Variants in ABCA10 observed in about 807,000 individuals in gnomAD.
The protein encoded by ABCA10 is ATP-binding cassette sub-family A member 10.
Under a neutral mutation model 187.5 loss-of-function variants are expected in ABCA10, and 169 were observed. That is an observed-to-expected ratio of 0.90 (90% CI 0.80 to 1.02). The LOEUF is 1.02. Among genes scored for constraint, ABCA10 ranks in the 50% least tolerant of loss-of-function variants. The pLI, the probability that ABCA10 is intolerant of heterozygous loss-of-function variation, is 0.00. For missense variants in ABCA10, 1,727 were observed against 1,812.4 expected (o/e 0.95, Z 0.86); for synonymous variants, 574 against 601.8 (o/e 0.95, Z 0.68).
chr17:69,196,296 G>C (rs1199368469), intron 11 of ABCA10: 3 of 171,060 alleles, frequency 1.8e-5, no homozygotes, highest in African/African-American at 4.9e-5. Context: ...TTCTCAGACG[G>C]GGCGGCCGGG....
chr17:69,174,199 C>G, intron 25 of ABCA10, 82 bp downstream of exon 25: 1 of 1,019,774 alleles, frequency 9.8e-7, no homozygotes, highest in Non-Finnish European at 1.4e-6. Flanking sequence ...CTCTTCTAAG[C>G]AAAGTATTTA....
intron 4 of ABCA10, 35 bp downstream of exon 4, chr17:69,222,497 TC>T (rs1555664471): frequency 7.5e-6 from 11 of 1,468,948 alleles, no homozygotes; most frequent in Non-Finnish European, 9.0e-6. Context: ...CCATGAAGTA[TC>T]AAAAAAAAAT....
At chr17:69,161,234 G>T (rs2074215468) in intron 27 of ABCA10, among the ~76,000 whole-genome samples, 2 of 152,104 alleles carry the variant, frequency 1.3e-5, no homozygotes. Context: ...GTAGAATGGT[G>T]ATTACCGGTT....
intron 9 of ABCA10, among the ~76,000 whole-genome samples, chr17:69,208,686 G>A (rs2074611707): frequency 6.6e-6 from 1 of 152,042 alleles, no homozygotes; most frequent in Admixed American, 6.6e-5. Context: ...ATTCCAAAAG[G>A]AAGAAAGCAA....
chr17:69,211,499 G>T (rs994266863), intron 9 of ABCA10, among the ~76,000 whole-genome samples: 4 of 151,766 alleles, frequency 2.6e-5, no homozygotes, highest in African/African-American at 9.7e-5. Context: ...TTCATAGAAT[G>T]ATTTAGGGAG....
chr17:69,220,996 T>C (rs932125463), intron 5 of ABCA10, among the ~76,000 whole-genome samples: 1 of 152,180 alleles, frequency 6.6e-6, no homozygotes, highest in Non-Finnish European at 1.5e-5. Context: ...CATCAGCATA[T>C]AAATTATAAT....
In ABCA10 at chr17:69,227,198, G is replaced by A. The variant is rs940781826; in HGVS notation, c.-225C>T. Reference sequence around the variant, plus strand: ...TTTAAGAAAATTCTTGTACAGAAGAGCCTGAATTTGTTGACGCACGCTTAT... The same window carrying A: ...TTTAAGAAAATTCTTGTACAGAAGAACCTGAATTTGTTGACGCACGCTTAT... On this transcript the variant is annotated 5_prime_UTR_variant, in exon 2 of 39. Coordinates refer to ENST00000690296, the MANE Select transcript of ABCA10 (RefSeq NM_001377321.1). 2 of 149,332 alleles carry A rather than the reference G, an allele frequency of 1.3e-5. No individual in the cohort carries two copies. The highest frequency in any genetic ancestry group is 6.7e-5 in the Admixed American group (1 of 14,856). 9.3% of individuals were successfully genotyped at this position (149,332 alleles called of 1,614,324 possible).
Position 69,190,481 on chromosome 17 carries a change from A to C in ABCA10, c.2012-4T>G. 6.4e-7 allele frequency: 1 copy of C among 1,563,098 alleles called. No homozygotes were observed. The highest frequency in any genetic ancestry group is 8.6e-7 in the Non-Finnish European group (1 of 1,165,280). ...TTATCAAGGTCACTGTAAAGATCTA[A>C]AAAGCCAATAGTAATAAGTCAACGC... is the stretch of plus-strand genomic sequence containing the variant. On this transcript the variant is annotated splice_polypyrimidine_tract_variant and splice_region_variant and intron_variant, in intron 17 of 38. Coordinates refer to ENST00000690296, the MANE Select transcript of ABCA10 (RefSeq NM_001377321.1).
At chr17:69,193,327 A>T in intron 14 of ABCA10, 79 bp from the exon 15 acceptor site, 1 of 1,559,920 alleles carries the variant, frequency 6.4e-7, no homozygotes, top group Non-Finnish European at 8.7e-7. Flanking sequence ...AACAAGTATG[A>T]TTTCTAGACT....
intron 1 of ABCA10, among the ~76,000 whole-genome samples, chr17:69,236,226 C>T (rs1308829100): frequency 6.6e-6 from 1 of 152,152 alleles, no homozygotes; most frequent in Non-Finnish European, 1.5e-5. Context: ...TTATTTTTAT[C>T]CAGGGCACCT....
chr17:69,202,690 G>T (rs1462691988), intron 9 of ABCA10, among the ~76,000 whole-genome samples: 3 of 152,030 alleles, frequency 2.0e-5, no homozygotes, highest in Non-Finnish European at 4.4e-5. Context: ...ATTATACAGG[G>T]ATCTTTATCA....
chr17:69,182,543 A>G (rs2074388067), intron 21 of ABCA10, 132 bp downstream of exon 21: 3 of 1,151,286 alleles, frequency 2.6e-6, no homozygotes, highest in Non-Finnish European at 3.5e-6. Context: ...GTGACAAAGA[A>G]AGTTTCAAGC....
At chr17:69,231,025 A>G (rs1458471361), upstream of ABCA10, among the ~76,000 whole-genome samples, 1 of 151,998 alleles carries the variant, frequency 6.6e-6, no homozygotes, top group Admixed American at 6.6e-5. Flanking sequence ...CCAAATTTCC[A>G]TTGTATTAGT....
rs925413752 is a variant in ABCA10, at chr17:69,187,890, G to A, written c.2132-11C>T. 6.2e-7 allele frequency: 1 copy of A among 1,609,886 alleles called. No individual in the cohort carries two copies. The highest frequency in any genetic ancestry group is 1.7e-5 in the Admixed American group (1 of 59,874). ...TCCCAATGTCAAAATCTACAATCAT[G>A]TAATAAAACATTTTAATAGGCTATG... On this transcript the variant is annotated splice_polypyrimidine_tract_variant and intron_variant, in intron 18 of 38. Transcript: ENST00000690296.
Position 69,221,840 on chromosome 17 carries a change from T to C in ABCA10, c.255A>G (p.Leu85=). The change falls in exon 5 of 39, where the codon CTA becomes CTG. Residue 85 remains leucine, a synonymous_variant. Coordinates refer to ENST00000690296, the MANE Select transcript of ABCA10 (RefSeq NM_001377321.1). ...EIFCYLAKYW[L]KGFVAFQAAI... ...CAGCTTGAAAAGCTACAAACCCTTT[T>C]AGCCAGTACTTTGCCAAGTAACAAA... The C allele has an allele frequency of 6.2e-7, 1 of 1,613,376 alleles. No homozygotes were observed. Among genetic ancestry groups the C allele is most frequent in the Non-Finnish European group, 8.5e-7 (1 of 1,179,676 alleles).
chr17:69,172,973 C>A (rs1462606442), intron 25 of ABCA10, among the ~76,000 whole-genome samples: 1 of 152,144 alleles, frequency 6.6e-6, no homozygotes, highest in African/African-American at 2.4e-5. Context: ...ATATGAGACA[C>A]ATTTGACTTT....
At chr17:69,230,993 C>A (rs1401905890), upstream of ABCA10, among the ~76,000 whole-genome samples, 4 of 152,082 alleles carry the variant, frequency 2.6e-5, no homozygotes, top group African/African-American at 4.8e-5. Flanking sequence ...TATAAACTAG[C>A]TCATCTTCTT....
intron 27 of ABCA10, among the ~76,000 whole-genome samples, chr17:69,160,961 A>C (rs1345859389): frequency 6.6e-6 from 1 of 152,226 alleles, no homozygotes; most frequent in Non-Finnish European, 1.5e-5. Flanking sequence ...TAACACACCC[A>C]AGTTCATAGC....
chr17:69,211,338 T>TCATATATATACAC (rs1355200807), intron 9 of ABCA10, among the ~76,000 whole-genome samples: 1 of 114,144 alleles, frequency 8.8e-6, no homozygotes, highest in Non-Finnish European at 1.7e-5. Flanking sequence ...TATATATATA[T>TCATATATATACAC]ATATATATAT....
Sources: gnomAD v4.1 joint callset for allele counts (sites outside exome capture counted in the v4.1 genomes callset) on GRCh38, gnomAD v4.1.1 for gene constraint, MANE v1.5 for transcripts, NCBI Gene and HGNC (gene_info 2026-07-23, HGNC 2026-07-21) for gene names.